The following TOGARAM2 variants were observed in gnomAD, a reference collection of about 807,000 sequenced individuals.
TOGARAM2 encodes TOG array regulator of axonemal microtubules 2, also known as TOG array regulator of axonemal microtubules protein 2.
In TOGARAM2, 85 loss-of-function variants were observed where a neutral mutation model predicts 93.3. The ratio of observed to expected loss-of-function variants is 0.91; its 90% CI spans 0.76 to 1.09. TOGARAM2 has a LOEUF of 1.09. Among genes scored for constraint, TOGARAM2 ranks in the 50% least tolerant of loss-of-function variants. The pLI is 0.00. For synonymous variants in TOGARAM2, 593 were observed against 552.8 expected, an observed-to-expected ratio of 1.07 and a Z score of -1.02; for missense variants, 1,277 against 1,334.5, an observed-to-expected ratio of 0.96 and a Z score of 0.67.
intron 1 of TOGARAM2, chr2:28,971,163 G>A (rs944148208): frequency 1.3e-5 from 2 of 152,186 alleles, no homozygotes; most frequent in Non-Finnish European, 2.9e-5. Flanking sequence ...CATTCCAGAG[G>A]GGGGTTGAAA....
intron 6 of TOGARAM2, among the ~76,000 whole-genome samples, chr2:29,009,302 T>C (rs56337988): frequency 0.075 from 11,463 of 152,240 alleles, 513 homozygotes; most frequent in African/African-American, 0.12. Flanking sequence ...GTGAAGGGCC[T>C]GTGTGCCAAC....
intron 19 of TOGARAM2, 93 bp from the exon 20 acceptor site, chr2:29,051,663 G>T: frequency 9.3e-7 from 1 of 1,075,108 alleles, no homozygotes; most frequent in Non-Finnish European, 1.3e-6. Context: ...TGGGCTGCCA[G>T]CCCTTTGGGG....
chr2:28,965,803 A>G (rs1671858792), intron 1 of TOGARAM2, among the ~76,000 whole-genome samples: 1 of 151,930 alleles, frequency 6.6e-6, no homozygotes. Context: ...CCTCAGTACC[A>G]CTAGATTGGG....
intron 16 of TOGARAM2, among the ~76,000 whole-genome samples, chr2:29,034,981 C>A (rs1234458171): frequency 9.2e-5 from 14 of 152,014 alleles, no homozygotes; most frequent in Admixed American, 9.2e-4. Flanking sequence ...GAAACCCTGT[C>A]TCTACTAAAC....
chr2:29,022,346 G>T (rs537860726), intron 11 of TOGARAM2, 38 bp downstream of exon 11: 1 of 1,607,798 alleles, frequency 6.2e-7, no homozygotes, highest in Non-Finnish European at 8.5e-7. Context: ...TGTTCTGGCC[G>T]GAAGCAGGGG....
chr2:28,974,419 T>G (rs532881227), intron 1 of TOGARAM2, among the ~76,000 whole-genome samples: 1 of 152,262 alleles, frequency 6.6e-6, no homozygotes, highest in South Asian at 2.1e-4. Context: ...TTTCTTTGGA[T>G]TCATCCTATG....
intron 1 of TOGARAM2, among the ~76,000 whole-genome samples, chr2:28,958,581 C>T (rs986837063): frequency 2.3e-4 from 35 of 152,110 alleles, no homozygotes; most frequent in Non-Finnish European, 4.0e-4. Context: ...GGATTACAGG[C>T]GTGAGCCACT....
intron 7 of TOGARAM2, among the ~76,000 whole-genome samples, chr2:29,013,860 C>T (rs1664397045): frequency 6.6e-6 from 1 of 152,212 alleles, no homozygotes; most frequent in South Asian, 2.1e-4. Context: ...TGTAAGCATC[C>T]AATCCAGATG....
At chr2:29,035,344 C>T in intron 16 of TOGARAM2, 120 bp from the exon 17 acceptor site, 1 of 919,570 alleles carries the variant, frequency 1.1e-6, no homozygotes, top group Non-Finnish European at 1.4e-6. Context: ...GGTGGACTAA[C>T]CTGCAGGTGA....
intron 8 of TOGARAM2, among the ~76,000 whole-genome samples, chr2:29,015,145 A>G (rs897525668): frequency 2.0e-5 from 3 of 152,178 alleles, no homozygotes; most frequent in Non-Finnish European, 4.4e-5. Flanking sequence ...GTCAAGAAGC[A>G]TATCTTGAAG....
chr2:29,017,076 T>G (rs11685375), intron 8 of TOGARAM2, 78 bp from the exon 9 acceptor site: 362,747 of 1,545,432 alleles, frequency 0.23, 43,819 homozygotes, highest in African/African-American at 0.24. Context: ...TGGCACACAG[T>G]AGAAACATTT....
At chr2:28,996,969 T>C (rs926870468) in intron 2 of TOGARAM2, among the ~76,000 whole-genome samples, 1 of 152,200 alleles carries the variant, frequency 6.6e-6, no homozygotes, top group Non-Finnish European at 1.5e-5. Flanking sequence ...ACACTTAGGC[T>C]GATTCCATGT....
intron 10 of TOGARAM2, among the ~76,000 whole-genome samples, chr2:29,019,673 T>G (rs57005658): frequency 0.24 from 36,630 of 152,020 alleles, 4,856 homozygotes; most frequent in South Asian, 0.37. Context: ...TAGGTAGAAA[T>G]AAAATCAAGT....
chr2:29,046,911 G>T, intron 19 of TOGARAM2: 1 of 152,988 alleles, frequency 6.5e-6, no homozygotes. Context: ...TCTACCTGGG[G>T]GATGCCTGCT....
At chr2:28,990,883 G>C (rs1485072672) in intron 1 of TOGARAM2, among the ~76,000 whole-genome samples, 1 of 152,008 alleles carries the variant, frequency 6.6e-6, no homozygotes, top group Non-Finnish European at 1.5e-5. Context: ...CTCCGCATGA[G>C]AGGCGTCTCT....
At chr2:29,042,996 A>T (rs1016433108) in intron 18 of TOGARAM2, among the ~76,000 whole-genome samples, 1 of 152,234 alleles carries the variant, frequency 6.6e-6, no homozygotes, top group African/African-American at 2.4e-5. Context: ...TGTTCCTTAC[A>T]TTAGAGAATG....
intron 1 of TOGARAM2, among the ~76,000 whole-genome samples, chr2:28,976,137 G>A (rs1230384355): frequency 2.0e-5 from 3 of 152,150 alleles, no homozygotes; most frequent in African/African-American, 4.8e-5. Context: ...TTGGGAGGCC[G>A]AGGTGGATGG....
intron 18 of TOGARAM2, among the ~76,000 whole-genome samples, chr2:29,043,746 AAGG>A (rs1271396500): frequency 2.0e-5 from 3 of 152,216 alleles, no homozygotes; most frequent in Non-Finnish European, 2.9e-5. Context: ...TGCAGTCCAC[AAGG>A]AGAAGGTTCT....
chr2:28,989,462 A>G (rs549352579), intron 1 of TOGARAM2, among the ~76,000 whole-genome samples: 1 of 152,096 alleles, frequency 6.6e-6, no homozygotes, highest in Admixed American at 6.5e-5. Flanking sequence ...CGGTGGCACA[A>G]TCTCAGCTCA....
Sources: gnomAD v4.1 joint callset for allele counts (sites outside exome capture counted in the v4.1 genomes callset) on GRCh38, gnomAD v4.1.1 for gene constraint, MANE v1.5 for transcripts, NCBI Gene and HGNC (gene_info 2026-07-23, HGNC 2026-07-21) for gene names.